Variants in EPHA5 observed in about 807,000 individuals in gnomAD.
EPHA5 encodes ephrin type-A receptor 5.
A neutral mutation model predicts 105.0 loss-of-function variants in EPHA5; 60 were observed. The ratio of observed to expected loss-of-function variants is 0.57; its 90% CI spans 0.46 to 0.71. EPHA5 has a LOEUF of 0.71. Ranked by LOEUF, EPHA5 falls within the 30% of genes least tolerant of loss-of-function variation. The pLI is 0.00. For synonymous variants in EPHA5, 513 were observed against 449.1 expected, an observed-to-expected ratio of 1.14 and a Z score of -1.80; for missense variants, 1,218 against 1,274.7, an observed-to-expected ratio of 0.96 and a Z score of 0.68.
Position 65,348,163 on chromosome 4 carries a change from A to G in EPHA5, c.2486T>C (p.Ile829Thr). ...IPIRWTAPEAIAFRKFTSASD... is the reference protein window; with the variant it reads ...IPIRWTAPEATAFRKFTSASD... Reference sequence around the variant, plus strand: ...GGCAGAAGTAAACTTTCGGAAAGCTATTGCTTCTGGGGCAGTCCATCTGAT... The same window carrying G: ...GGCAGAAGTAAACTTTCGGAAAGCTGTTGCTTCTGGGGCAGTCCATCTGAT... Residue 829 changes from isoleucine to threonine, a missense_variant, in exon 14 of 17, where the codon ATA (isoleucine) becomes ACA (threonine). Ile to Thr is a moderately conservative substitution (Grantham distance 89). Coordinates refer to ENST00000613740, the MANE Select transcript of EPHA5 (RefSeq NM_001281766.3). The G allele has an allele frequency of 1.2e-6, 2 of 1,613,612 alleles. No individual in the cohort carries two copies. Among genetic ancestry groups the G allele is most frequent in the South Asian group, 1.1e-5 (1 of 91,044 alleles).
intron 8 of EPHA5, among the ~76,000 whole-genome samples, chr4:65,373,815 A>T (rs1214787402): frequency 6.6e-6 from 1 of 151,890 alleles, no homozygotes; most frequent in Non-Finnish European, 1.5e-5. Context: ...TGCCATTTAA[A>T]TCCCTCAGAG....
chr4:65,603,620 G>A (rs191065587), intron 2 of EPHA5, among the ~76,000 whole-genome samples: 331 of 152,174 alleles, frequency 2.2e-3, no homozygotes, highest in Middle Eastern at 0.01. Flanking sequence ...GGCTCCTCTC[G>A]AAATCTAGCT....
At chr4:65,480,154 GGA>G (rs1314031672) in intron 5 of EPHA5, among the ~76,000 whole-genome samples, 1 of 151,870 alleles carries the variant, frequency 6.6e-6, no homozygotes, top group African/African-American at 2.4e-5. Flanking sequence ...GATGAGAGAG[GGA>G]GAGAGGATGA....
chr4:65,483,189 C>T (rs925924114), intron 5 of EPHA5, among the ~76,000 whole-genome samples: 1 of 152,170 alleles, frequency 6.6e-6, no homozygotes, highest in Non-Finnish European at 1.5e-5. Flanking sequence ...AGGACATGAA[C>T]TCATCCCTTT....
At chr4:65,429,588 A>G (rs1278196795) in intron 5 of EPHA5, among the ~76,000 whole-genome samples, 1 of 152,048 alleles carries the variant, frequency 6.6e-6, no homozygotes, top group African/African-American at 2.4e-5. Flanking sequence ...ATAAATATAG[A>G]GAACCTATTC....
At chr4:65,419,901 G>A (rs1275564487) in intron 6 of EPHA5, among the ~76,000 whole-genome samples, 2 of 152,126 alleles carry the variant, frequency 1.3e-5, no homozygotes, top group Non-Finnish European at 2.9e-5. Flanking sequence ...CAGAGAACAA[G>A]GGGAAATCAA....
At chr4:65,472,973 T>C (rs1170090382) in intron 5 of EPHA5, among the ~76,000 whole-genome samples, 2 of 152,234 alleles carry the variant, frequency 1.3e-5, no homozygotes, top group East Asian at 3.9e-4. Flanking sequence ...ACTTTTATGC[T>C]CTGCTTCCCT....
chr4:65,335,935 C>A lies in EPHA5; in HGVS notation c.2786G>T (p.Cys929Phe). Residue 929 changes from cysteine (C) to phenylalanine (F), a missense_variant, in exon 15 of 17, where the codon TGC becomes TTC. By Grantham distance (205) the Cys-to-Phe change is radical. Around this residue, in one of 3 missense-constraint regions of EPHA5, gnomAD observed 971 missense variants for 1,013.5 expected, o/e 0.96. Coordinates refer to ENST00000613740, the MANE Select transcript of EPHA5 (RefSeq NM_001281766.3). ...TCACTCGGATCTGGCCTTGTACCTG[C>A]AGGATGCATTAACCAGCGTCTTCAG... ...SSLKTLVNAS[C>F]RVSNLLAEHS... 1 of 1,607,514 alleles carries A rather than the reference C, an allele frequency of 6.2e-7. No individual in the cohort carries two copies. Among genetic ancestry groups the A allele is most frequent in the South Asian group, 1.1e-5 (1 of 90,282 alleles).
At chr4:65,527,365 T>C (rs1249822983) in intron 3 of EPHA5, among the ~76,000 whole-genome samples, 1 of 152,098 alleles carries the variant, frequency 6.6e-6, no homozygotes, top group Non-Finnish European at 1.5e-5. Context: ...GAAATATTTG[T>C]CAATTCCATA....
chr4:65,634,796 C>T (rs565461961), intron 2 of EPHA5, among the ~76,000 whole-genome samples: 52 of 152,120 alleles, frequency 3.4e-4, no homozygotes, highest in African/African-American at 1.1e-3. Flanking sequence ...CCCCTTCATG[C>T]TCAGTGTGGG....
intron 2 of EPHA5, 109 bp downstream of exon 2, chr4:65,643,254 C>T: frequency 1.2e-6 from 1 of 859,840 alleles, no homozygotes; most frequent in Non-Finnish European, 1.9e-6. Flanking sequence ...CACATAGCAC[C>T]TCCTGTCTTA....
chr4:65,578,510 G>A (rs1741290751), intron 3 of EPHA5, among the ~76,000 whole-genome samples: 1 of 152,084 alleles, frequency 6.6e-6, no homozygotes, highest in African/African-American at 2.4e-5. Context: ...TGCTCTAAAT[G>A]GTCTGAGCCA....
chr4:65,433,510 A>G (rs1725186966), intron 5 of EPHA5, among the ~76,000 whole-genome samples: 1 of 152,166 alleles, frequency 6.6e-6, no homozygotes. Flanking sequence ...AGAAACTCAG[A>G]TATATTTCAA....
intron 6 of EPHA5, among the ~76,000 whole-genome samples, chr4:65,418,979 G>A (rs1429696296): frequency 1.4e-5 from 2 of 141,934 alleles, no homozygotes; most frequent in South Asian, 2.3e-4. Flanking sequence ...CGCTTCCTGG[G>A]TTCAAGCAAT....
At chr4:65,486,088 T>C (rs143306287) in intron 5 of EPHA5, among the ~76,000 whole-genome samples, 4 of 152,308 alleles carry the variant, frequency 2.6e-5, no homozygotes, top group African/African-American at 9.6e-5. Context: ...TTGTTTATTA[T>C]TCTAAGGACA....
At chr4:65,638,007 T>A (rs1034803544) in intron 2 of EPHA5, among the ~76,000 whole-genome samples, 1 of 88,240 alleles carries the variant, frequency 1.1e-5, no homozygotes, top group African/African-American at 3.3e-5. Flanking sequence ...GAATGAATAA[T>A]AGTGTTTCCC....
At chr4:65,586,474 T>A (rs1009839423) in intron 3 of EPHA5, among the ~76,000 whole-genome samples, 3 of 151,906 alleles carry the variant, frequency 2.0e-5, no homozygotes, top group Non-Finnish European at 4.4e-5. Flanking sequence ...ATTTTGATTT[T>A]TCAAAACAGG....
In EPHA5 at chr4:65,644,236, A is replaced by C. The variant is rs540899256; in HGVS notation, c.182-809T>G. 9.9e-5 allele frequency among the ~76,000 whole-genome samples: 15 copies of C among 152,146 alleles called. No individual in the cohort carries two copies. The East Asian group carries it at 2.7e-3, about 27-fold the overall frequency. On this transcript the variant is annotated intron_variant, in intron 1 of 16. Coordinates refer to ENST00000613740, the MANE Select transcript of EPHA5 (RefSeq NM_001281766.3). ...CACACACACCCCCATGCACACACAT[A>C]CACACTCATACATATCATACATATG...
chr4:65,494,956 G>T (rs921993812), intron 4 of EPHA5, among the ~76,000 whole-genome samples: 2 of 151,122 alleles, frequency 1.3e-5, no homozygotes, highest in Non-Finnish European at 2.9e-5. Context: ...CAGAGAAAGA[G>T]GAAGAAGAAG....
Sources: allele counts gnomAD v4.1 joint callset (sites outside exome capture counted in the v4.1 genomes callset), GRCh38; gene constraint gnomAD v4.1.1; regional missense constraint gnomAD v4.1.1; transcripts MANE v1.5; gene names NCBI Gene and HGNC (gene_info 2026-07-23, HGNC 2026-07-21).